The following CNTN5 variants were observed in gnomAD, a reference collection of about 807,000 sequenced individuals.
CNTN5 encodes contactin-5.
Under a neutral mutation model 129.1 loss-of-function variants are expected in CNTN5, and 77 were observed. That is an observed-to-expected ratio of 0.60 (90% confidence interval 0.50 to 0.72). The LOEUF (loss-of-function observed/expected upper bound fraction) is 0.72. CNTN5 is among the 30% of genes least tolerant of loss of function. The pLI is 0.00. For synonymous variants in CNTN5, 509 were observed against 465.6 expected (o/e 1.09, Z -1.20); for missense variants, 1,478 against 1,328.8 (o/e 1.11, Z -1.75).
At chr11:99,648,345 T>C (rs2135870317) in intron 3 of CNTN5, among the ~76,000 whole-genome samples, 1 of 151,946 alleles carries the variant, frequency 6.6e-6, no homozygotes, top group African/African-American at 2.4e-5. Context: ...ATCAGGTAAA[T>C]GCAAATGAAA....
chr11:99,110,478 C>T (rs1297592389), intron 1 of CNTN5, among the ~76,000 whole-genome samples: 3 of 152,022 alleles, frequency 2.0e-5, no homozygotes, highest in Admixed American at 6.6e-5. Flanking sequence ...GCAATGTTGG[C>T]CTTGGGATGC....
rs115474473 is a variant in CNTN5, at chr11:99,656,786, C to T, written c.55+100517C>T. Among the ~76,000 whole-genome samples the T allele has an allele frequency of 2.9e-3, 435 of 152,178 alleles. 4 individuals are homozygous for T. The highest frequency in any genetic ancestry group is 9.9e-3 in the African/African-American group (412 of 41,560). ...CAAATGACCACAGTGGACTGGATAG[C>T]AAAGGCCCTTCCTTTCATTATCAGG... On this transcript the variant is annotated intron_variant, in intron 3 of 24. Transcript: ENST00000524871.
intron 1 of CNTN5, among the ~76,000 whole-genome samples, chr11:99,268,549 A>C (rs1241794884): frequency 6.6e-6 from 1 of 151,882 alleles, no homozygotes; most frequent in African/African-American, 2.4e-5. Flanking sequence ...GGACCCTGAA[A>C]GGTGTTTATT....
At chr11:99,199,403 G>T (rs1022438826) in intron 1 of CNTN5, among the ~76,000 whole-genome samples, 4 of 152,160 alleles carry the variant, frequency 2.6e-5, no homozygotes, top group African/African-American at 9.7e-5. Flanking sequence ...AAAATTATGA[G>T]AAATAGCTTA....
chr11:99,095,087 C>T (rs964136989), intron 1 of CNTN5, among the ~76,000 whole-genome samples: 4 of 151,788 alleles, frequency 2.6e-5, no homozygotes, highest in Non-Finnish European at 5.9e-5. Flanking sequence ...TACCCATCAA[C>T]TTGTCATCGA....
chr11:100,327,050 A>G (rs1293030517), intron 21 of CNTN5, among the ~76,000 whole-genome samples: 1 of 152,238 alleles, frequency 6.6e-6, no homozygotes, highest in African/African-American at 2.4e-5. Context: ...GTGCAAAAGG[A>G]AGCCTTTTTA....
intron 2 of CNTN5, among the ~76,000 whole-genome samples, chr11:99,463,436 T>TTAAAA (rs1944805091): frequency 3.5e-4 from 2 of 5,744 alleles, no homozygotes; most frequent in African/African-American, 8.7e-4. Context: ...AGACTCTGTC[T>TTAAAA]CAAAAAGAAA....
At chr11:99,978,666 A>G (rs1938148704) in intron 8 of CNTN5, among the ~76,000 whole-genome samples, 1 of 152,228 alleles carries the variant, frequency 6.6e-6, no homozygotes, top group Non-Finnish European at 1.5e-5. Flanking sequence ...TAGCCGAGGT[A>G]TGAAGCAAGC....
At chr11:100,154,783 G>A (rs34811397) in intron 13 of CNTN5, among the ~76,000 whole-genome samples, 19,289 of 152,128 alleles carry the variant, frequency 0.13, 1,214 homozygotes, top group African/African-American at 0.15. Context: ...GTGATGATGA[G>A]CTTTATTTCA....
At chr11:99,389,670 A>C (rs536049674) in intron 2 of CNTN5, among the ~76,000 whole-genome samples, 23 of 152,292 alleles carry the variant, frequency 1.5e-4, no homozygotes, top group African/African-American at 5.5e-4. Context: ...AGGTGGAATA[A>C]CATTTGGTAA....
At chr11:100,118,221 A>G (rs1196822789) in intron 13 of CNTN5, among the ~76,000 whole-genome samples, 1 of 151,990 alleles carries the variant, frequency 6.6e-6, no homozygotes, top group Middle Eastern at 3.4e-3. Flanking sequence ...ACTTTTTAAT[A>G]ACATTTCTGA....
chr11:100,198,535 A>C (rs1948703000), intron 15 of CNTN5, among the ~76,000 whole-genome samples: 1 of 151,894 alleles, frequency 6.6e-6, no homozygotes, highest in African/African-American at 2.4e-5. Context: ...GAATAGTCAA[A>C]GAAGAAAAAG....
chr11:99,127,992 A>G (rs1481552199), intron 1 of CNTN5, among the ~76,000 whole-genome samples: 9 of 152,226 alleles, frequency 5.9e-5, no homozygotes, highest in Non-Finnish European at 1.2e-4. Context: ...ATGATGAGCA[A>G]TATAATAAAT....
At chr11:100,088,985 A>G (rs1944654425) in intron 13 of CNTN5, among the ~76,000 whole-genome samples, 1 of 152,092 alleles carries the variant, frequency 6.6e-6, no homozygotes, top group Non-Finnish European at 1.5e-5. Flanking sequence ...ACATTCTCTA[A>G]ATATACTAGC....
At chr11:99,820,453 C>T (rs192703359) in intron 4 of CNTN5, among the ~76,000 whole-genome samples, 8 of 152,416 alleles carry the variant, frequency 5.2e-5, no homozygotes, top group Admixed American at 3.3e-4. Context: ...ATATATCCAA[C>T]ACTAAGATAT....
At chr11:99,990,685 T>A (rs1474092313) in intron 8 of CNTN5, among the ~76,000 whole-genome samples, 1 of 152,148 alleles carries the variant, frequency 6.6e-6, no homozygotes, top group African/African-American at 2.4e-5. Flanking sequence ...TATACACTTT[T>A]TGAGGTGAGA....
intron 2 of CNTN5, among the ~76,000 whole-genome samples, chr11:99,537,319 G>A (rs759529662): frequency 2.2e-4 from 33 of 152,124 alleles, no homozygotes; most frequent in Non-Finnish European, 3.1e-4. Context: ...CAAATAAATC[G>A]TCTTAATGAG....
At chr11:99,072,193 G>A (rs1865366082) in intron 1 of CNTN5, among the ~76,000 whole-genome samples, 1 of 151,974 alleles carries the variant, frequency 6.6e-6, no homozygotes, top group East Asian at 1.9e-4. Flanking sequence ...CTTTGGTGAT[G>A]AAATTGTTGA....
At chr11:99,064,213 C>T (rs1273276094) in intron 1 of CNTN5, among the ~76,000 whole-genome samples, 1 of 152,146 alleles carries the variant, frequency 6.6e-6, no homozygotes, top group African/African-American at 2.4e-5. Context: ...ATCATTTTCA[C>T]TCTTCTGTCA....
Sources: allele counts gnomAD v4.1 joint callset (sites outside exome capture counted in the v4.1 genomes callset), GRCh38; gene constraint gnomAD v4.1.1; transcripts MANE v1.5; gene names NCBI Gene and HGNC (gene_info 2026-07-23, HGNC 2026-07-21).